The following RGS6 variants were observed in gnomAD, a reference collection of about 807,000 sequenced individuals.
RGS6 encodes the protein regulator of G protein signaling 6, also known as regulator of G-protein signaling 6.
A neutral mutation model predicts 78.5 loss-of-function variants in RGS6; 30 were observed. The observed-to-expected ratio is 0.38, with a 90% CI of 0.29 to 0.52. The LOEUF (loss-of-function observed/expected upper bound fraction) is 0.52, where lower values mean the gene tolerates loss of function less well. RGS6 is among the 20% of genes least tolerant of loss of function. The pLI is 0.85. For missense variants in RGS6, 495 were observed against 609.7 expected (o/e 0.81, Z 1.98); for synonymous variants, 206 against 206.0 (o/e 1.00, Z 0.00).
downstream of RGS6, among the ~76,000 whole-genome samples, chr14:72,568,388 G>A (rs2097716455): frequency 6.6e-6 from 1 of 152,214 alleles, no homozygotes; most frequent in East Asian, 1.9e-4. Context: ...GGCGGTGAAG[G>A]GAGGGTATGT....
intron 2 of RGS6, among the ~76,000 whole-genome samples, chr14:72,016,852 A>G (rs768935018): frequency 6.6e-5 from 10 of 152,148 alleles, no homozygotes; most frequent in Non-Finnish European, 1.5e-4. Flanking sequence ...TTTTGTTGGA[A>G]TTACTCAGAT....
At chr14:71,935,547 GAGT>G (rs1421333369) in intron 1 of RGS6, among the ~76,000 whole-genome samples, 1 of 152,136 alleles carries the variant, frequency 6.6e-6, no homozygotes, top group Non-Finnish European at 1.5e-5. Flanking sequence ...TTTTCAAAAA[GAGT>G]AGGTTCTTTC....
At chr14:72,046,067 AG>A (rs1383888020) in intron 2 of RGS6, among the ~76,000 whole-genome samples, 1 of 152,046 alleles carries the variant, frequency 6.6e-6, no homozygotes, top group African/African-American at 2.4e-5. Flanking sequence ...TCTTCACCAA[AG>A]GCTCACTGAC....
intron 2 of RGS6, among the ~76,000 whole-genome samples, chr14:72,291,054 T>C (rs7151952): frequency 0.69 from 104,153 of 151,416 alleles, 36,003 homozygotes; most frequent in East Asian, 0.86. Flanking sequence ...TGTGCTCCAG[T>C]TCACACTCTC....
chr14:72,576,149 A>G, the RGS6 span, among the ~76,000 whole-genome samples: 1 of 152,256 alleles, frequency 6.6e-6, no homozygotes, highest in African/African-American at 2.4e-5. Context: ...CTCTCTTGTC[A>G]CATTTTACTT....
At chr14:72,418,689 T>C (rs756254350) in intron 3 of RGS6, among the ~76,000 whole-genome samples, 1 of 152,182 alleles carries the variant, frequency 6.6e-6, no homozygotes, top group Non-Finnish European at 1.5e-5. Context: ...TGCCTGGAAA[T>C]GTATTTATTC....
At chr14:72,483,569 T>C (rs1004297361) in intron 12 of RGS6, among the ~76,000 whole-genome samples, 1 of 152,244 alleles carries the variant, frequency 6.6e-6, no homozygotes, top group African/African-American at 2.4e-5. Flanking sequence ...GCTAGGGTGA[T>C]AGAGGTTTGG....
intron 5 of RGS6, 100 bp from the exon 6 acceptor site, chr14:72,459,532 A>T (rs2095719983): frequency 2.8e-6 from 3 of 1,069,806 alleles, no homozygotes; most frequent in African/African-American, 3.1e-5. Flanking sequence ...CAAGAAGGAG[A>T]TGGGGGAGAG....
intron 2 of RGS6, among the ~76,000 whole-genome samples, chr14:72,187,948 C>A (rs888075329): frequency 2.6e-5 from 4 of 152,180 alleles, no homozygotes; most frequent in African/African-American, 9.7e-5. Context: ...AGGTGACAGC[C>A]CTTTTTGTTT....
chr14:72,036,444 CG>C (rs564122665), intron 2 of RGS6, among the ~76,000 whole-genome samples: 179 of 152,096 alleles, frequency 1.2e-3, no homozygotes, highest in Non-Finnish European at 2.2e-3. Context: ...CTGAGTCAAC[CG>C]GTAGATGTGC....
chr14:72,100,276 G>T (rs1247016990), intron 2 of RGS6, among the ~76,000 whole-genome samples: 2 of 152,086 alleles, frequency 1.3e-5, no homozygotes, highest in Non-Finnish European at 2.9e-5. Flanking sequence ...AGGCTTAGGT[G>T]GCCAGATCAC....
chr14:72,031,085 C>A (rs576010143), intron 2 of RGS6, among the ~76,000 whole-genome samples: 10 of 151,526 alleles, frequency 6.6e-5, no homozygotes, highest in African/African-American at 2.4e-4. Context: ...TGAATAGATT[C>A]AGACATTGGC....
rs117898224 is a variant in RGS6, at chr14:72,061,039, A to G, written c.84+96164A>G. Among the ~76,000 whole-genome samples, 1,032 of 152,292 alleles carry G rather than the reference A, an allele frequency of 6.8e-3. 8 individuals carry two copies. Among genetic ancestry groups the G allele is most frequent in the Middle Eastern group, 0.027 (8 of 294 alleles). On this transcript the variant is annotated intron_variant, in intron 2 of 17. Transcript: ENST00000553525. ...TAAAGGCTGCAAATATTCTGGCAGCATTGTAGGATTGCACTTTCCCTCCTC... is the reference window on the plus strand; with the variant it reads ...TAAAGGCTGCAAATATTCTGGCAGCGTTGTAGGATTGCACTTTCCCTCCTC...
chr14:72,034,392 T>C (rs2091376650), intron 2 of RGS6, among the ~76,000 whole-genome samples: 1 of 107,672 alleles, frequency 9.3e-6, no homozygotes. Flanking sequence ...GGGTATTGAA[T>C]TCTTTTCAGT....
chr14:72,041,960 A>T (rs1049929780), intron 2 of RGS6, among the ~76,000 whole-genome samples: 5 of 152,112 alleles, frequency 3.3e-5, no homozygotes. Context: ...CTAATGATAG[A>T]ACTACTGCTA....
chr14:71,932,281 C>T (rs976938494), upstream of RGS6, among the ~76,000 whole-genome samples: 42 of 151,714 alleles, frequency 2.8e-4, no homozygotes, highest in Admixed American at 1.4e-3. Flanking sequence ...TGCCGGTCCC[C>T]GCCCGCCGGC....
the RGS6 span, among the ~76,000 whole-genome samples, chr14:71,897,986 C>T: frequency 3.3e-5 from 5 of 151,246 alleles, no homozygotes; most frequent in Non-Finnish European, 5.9e-5. Context: ...TTTCACTGGA[C>T]AAGCCTGTTT....
chr14:72,227,644 T>C (rs1038609841), intron 2 of RGS6, among the ~76,000 whole-genome samples: 1 of 152,188 alleles, frequency 6.6e-6, no homozygotes, highest in African/African-American at 2.4e-5. Flanking sequence ...GAAGGGAGCA[T>C]TTTAGTTGGT....
At chr14:72,220,207 A>T (rs1242983805) in intron 2 of RGS6, among the ~76,000 whole-genome samples, 7 of 152,232 alleles carry the variant, frequency 4.6e-5, no homozygotes, top group Admixed American at 4.6e-4. Flanking sequence ...TGAGAATTAC[A>T]GAACACTGCT....
Sources: allele counts gnomAD v4.1 joint callset (sites outside exome capture counted in the v4.1 genomes callset), GRCh38; gene constraint gnomAD v4.1.1; transcripts MANE v1.5; gene names NCBI Gene and HGNC (gene_info 2026-07-23, HGNC 2026-07-21).